TJP3: variants seen among roughly 807,000 people sequenced by gnomAD.
The protein encoded by TJP3 is tight junction protein 3, also known as tight junction protein ZO-3.
In TJP3, 85 loss-of-function variants were observed where a neutral mutation model predicts 104.2. The ratio of observed to expected loss-of-function variants is 0.82; its 90% CI spans 0.68 to 0.98. TJP3 has a LOEUF of 0.98. Among genes scored for constraint, TJP3 ranks in the 50% least tolerant of loss-of-function variants. The pLI is 0.00. For missense variants in TJP3, 1,367 were observed against 1,322.8 expected, an observed-to-expected ratio of 1.03 and a Z score of -0.52; for synonymous variants, 550 against 550.6, an observed-to-expected ratio of 1.00 and a Z score of 0.02.
At position 3,738,060 on chromosome 19, in the gene TJP3, TGTCATGACCCGGAGAGCAGA is replaced by T. The variant is rs1351743866; in HGVS notation, c.1285-494_1285-475del. Among the ~76,000 whole-genome samples the T allele has an allele frequency of 3.7e-4, 46 of 124,918 alleles. 1 individual carries two copies. Among genetic ancestry groups the T allele is most frequent in the African/African-American group, 1.2e-3 (40 of 32,706 alleles). 82.0% of individuals were successfully genotyped at this position (124,918 alleles called of 152,430 possible). On this transcript the variant is annotated intron_variant, in intron 11 of 20. Transcript: ENST00000541714. ...GGCTGTGTCTGTATATTGCTGTCCA[TGTCATGACCCGGAGAGCAGA>T]TGGCTGTGTCCATATATTGTTGTCC... is the stretch of plus-strand genomic sequence containing the variant.
chr19:3,712,824 C>T (rs1205466088), intron 1 of TJP3, among the ~76,000 whole-genome samples: 1 of 151,930 alleles, frequency 6.6e-6, no homozygotes, highest in Non-Finnish European at 1.5e-5. Flanking sequence ...TGGCGTGCAC[C>T]TGTGGCCCCA....
rs1438343912 is a variant in TJP3, at chr19:3,717,434, TA to T, written c.-10+8874del. ...ATATATATATATATATATATAATTT[TA>T]TTTTTTTTTGAAACATAGTGTTGTG... is the stretch of plus-strand genomic sequence containing the variant. On this transcript the variant is annotated intron_variant, in intron 1 of 20. Transcript: ENST00000541714. Among the ~76,000 whole-genome samples, 4 of 147,850 alleles carry T rather than the reference TA, an allele frequency of 2.7e-5. No individual in the cohort carries two copies. In the East Asian group the frequency reaches 8.1e-4, roughly 30 times the overall value.
chr19:3,717,529 A>G (rs561573105), intron 1 of TJP3, among the ~76,000 whole-genome samples: 1 of 150,942 alleles, frequency 6.6e-6, no homozygotes, highest in Non-Finnish European at 1.5e-5. Context: ...GCCGCCTCCC[A>G]GGGTCAAGTG....
chr19:3,736,658 C>T (rs1483760227), intron 11 of TJP3, among the ~76,000 whole-genome samples: 1 of 152,062 alleles, frequency 6.6e-6, no homozygotes, highest in African/African-American at 2.4e-5. Flanking sequence ...TCACCGCAAC[C>T]TCTGCCTCCC....
intron 1 of TJP3, among the ~76,000 whole-genome samples, chr19:3,724,780 C>T (rs548545826): frequency 6.6e-6 from 1 of 152,128 alleles, no homozygotes; most frequent in African/African-American, 2.4e-5. Flanking sequence ...CTCAAGCAAT[C>T]CTCTTGCCTC....
intron 18 of TJP3, among the ~76,000 whole-genome samples, 186 bp from the exon 19 acceptor site, chr19:3,747,608 A>G (rs1393739691): frequency 2.0e-5 from 3 of 152,196 alleles, no homozygotes; most frequent in Non-Finnish European, 4.4e-5. Flanking sequence ...TTGGGGGCTG[A>G]GCCTCTCAGG....
intron 1 of TJP3, among the ~76,000 whole-genome samples, chr19:3,712,867 T>G (rs1410493632): frequency 6.6e-6 from 1 of 151,304 alleles, no homozygotes. Context: ...GAGGATCGCT[T>G]GAGCCCAGGA....
rs369339267 is a variant in TJP3 at position 3,735,936 on chromosome 19, G to C, written c.1127+1G>C. On this transcript the variant is annotated splice_donor_variant, in intron 10 of 20. Coordinates refer to ENST00000541714, the MANE Select transcript of TJP3 (RefSeq NM_001267560.2). LOFTEE classifies it high-confidence loss of function. ...GCAGTCAGAGCATGGAGGATCGTGG[G>C]TATGTACCCCAGAAGAAAGCAAACC... 1 of 1,613,998 alleles carries C rather than the reference G, an allele frequency of 6.2e-7. No individual in the cohort carries two copies. The highest frequency in any genetic ancestry group is 8.5e-7 in the Non-Finnish European group (1 of 1,180,040).
chr19:3,732,634 C>T (rs778786510), intron 6 of TJP3, among the ~76,000 whole-genome samples: 29 of 151,788 alleles, frequency 1.9e-4, no homozygotes, highest in Non-Finnish European at 4.0e-4. Flanking sequence ...CTTAGCCTCC[C>T]GAGTAGCTGG....
Position 3,714,199 on chromosome 19 carries a change from G to A in TJP3, c.-10+5638G>A, listed in dbSNP as rs1294258665. ...TGAGTAGCAGGGATTACAGCAGCCC[G>A]CCGCCACACCCGGCTAATTTTTGTA... On this transcript the variant is annotated intron_variant, in intron 1 of 20. Coordinates refer to ENST00000541714, the MANE Select transcript of TJP3 (RefSeq NM_001267560.2). Among the ~76,000 whole-genome samples, 5 of 151,980 alleles carry A rather than the reference G, an allele frequency of 3.3e-5. No homozygotes were observed. The East Asian group carries it at 5.8e-4, about 18-fold the overall frequency.
At chr19:3,721,919 C>T (rs2036545891) in intron 1 of TJP3, 1 of 1,225,496 alleles carries the variant, frequency 8.2e-7, no homozygotes, top group African/African-American at 1.6e-5. Flanking sequence ...AGGCGAGTAA[C>T]CCTCCAAGGG....
chr19:3,750,745 T>G lies in TJP3; in HGVS notation c.*61T>G. 2 of 1,421,292 alleles carry G rather than the reference T, an allele frequency of 1.4e-6. No homozygotes were observed. The highest frequency in any genetic ancestry group is 1.9e-6 in the Non-Finnish European group (2 of 1,027,356). 88.0% of individuals were successfully genotyped at this position (1,421,292 alleles called of 1,614,324 possible). On this transcript the variant is annotated 3_prime_UTR_variant, in exon 21 of 21. Coordinates refer to ENST00000541714, the MANE Select transcript of TJP3 (RefSeq NM_001267560.2). ...TCCCTCCCTGGGGCTGGGACTCAGTTTCCCATACAGAACCCACAACCTTAC... is the reference window on the plus strand; with the variant it reads ...TCCCTCCCTGGGGCTGGGACTCAGTGTCCCATACAGAACCCACAACCTTAC...
At chr19:3,742,172 G>A (rs1027091114) in intron 14 of TJP3, among the ~76,000 whole-genome samples, 1 of 152,126 alleles carries the variant, frequency 6.6e-6, no homozygotes, top group East Asian at 1.9e-4. Flanking sequence ...GGTGGCTCAC[G>A]CTTGTAATCC....
intron 7 of TJP3, among the ~76,000 whole-genome samples, 195 bp downstream of exon 7, chr19:3,734,107 TGC>T (rs1435918198): frequency 1.3e-5 from 2 of 152,138 alleles, no homozygotes; most frequent in African/African-American, 2.4e-5. Context: ...AGCGATTCTC[TGC>T]CTCCTGGGTT....
chr19:3,708,761 C>A (rs759633846), intron 1 of TJP3, among the ~76,000 whole-genome samples, 200 bp downstream of exon 1: 1 of 152,150 alleles, frequency 6.6e-6, no homozygotes. Flanking sequence ...GCAGTTACTG[C>A]ACCTGGCGGC....
At chr19:3,710,864 A>G (rs1206939162) in intron 1 of TJP3, among the ~76,000 whole-genome samples, 1 of 152,154 alleles carries the variant, frequency 6.6e-6, no homozygotes, top group Admixed American at 6.6e-5. Context: ...ATGGCTGCAC[A>G]GAGGGTAACA....
rs756380373 is a variant in TJP3, at chr19:3,745,965, C to G, written c.1940-46C>G. On this transcript the variant is annotated intron_variant, in intron 15 of 20. Coordinates refer to ENST00000541714, the MANE Select transcript of TJP3 (RefSeq NM_001267560.2). ...GCAGGTAGGCATGAATTTGAGGGGACGGGGGCTGCCCTCCTGAAGCTGCTG... is the reference window on the plus strand; with the variant it reads ...GCAGGTAGGCATGAATTTGAGGGGAGGGGGGCTGCCCTCCTGAAGCTGCTG... 2.0e-6 allele frequency: 3 copies of G among 1,515,726 alleles called. No individual in the cohort carries two copies. In the African/African-American group the frequency reaches 4.1e-5, roughly 21 times the overall value. The allele number at this position is 1,515,726 out of a possible 1,614,324, so 93.9% of individuals were successfully genotyped here. A position where few individuals can be genotyped will look rare whatever the true frequency, so the allele number is the denominator to read the frequency against.
In TJP3 at chr19:3,733,750, C is replaced by T. The variant is rs377048108; in HGVS notation, c.718-3C>T. 1.2e-6 allele frequency: 2 copies of T among 1,613,962 alleles called. No individual in the cohort carries two copies. The highest frequency in any genetic ancestry group is 1.7e-5 in the Admixed American group (1 of 59,984). The stretch of plus-strand genomic sequence containing the variant: ...CCGCTCTTTCATTCCTGGTCCCTTT[C>T]AGATCAACGGGGTGTCTAGCCAGAA... On this transcript the variant is annotated splice_region_variant and splice_polypyrimidine_tract_variant and intron_variant, in intron 6 of 20. Transcript: ENST00000541714.
chr19:3,750,207 T>TG (rs10692689), intron 20 of TJP3, 23 bp downstream of exon 20: 47,666 of 1,613,514 alleles, frequency 0.03, 1,438 homozygotes, highest in African/African-American at 0.15. Context: ...TATTCCAGAT[T>TG]GGGGCCCTCA....
Sources: gnomAD v4.1 joint callset for allele counts (sites outside exome capture counted in the v4.1 genomes callset) on GRCh38, gnomAD v4.1.1 for gene constraint, MANE v1.5 for transcripts, NCBI Gene and HGNC (gene_info 2026-07-23, HGNC 2026-07-21) for gene names.